The following FAF1 variants were observed in gnomAD, a reference collection of about 807,000 sequenced individuals.
FAF1 encodes the protein Fas associated factor 1.
A neutral mutation model predicts 92.5 loss-of-function variants in FAF1; 25 were observed. The ratio of observed to expected loss-of-function variants is 0.27; its 90% CI spans 0.20 to 0.38. FAF1 has a LOEUF of 0.38. Ranked by LOEUF, FAF1 falls within the 10% of genes least tolerant of loss-of-function variation. The pLI is 1.00. For missense variants in FAF1, 636 were observed against 793.3 expected (o/e 0.80, Z 2.38); for synonymous variants, 234 against 273.2 (o/e 0.86, Z 1.42).
chr1:50,740,069 A>G (rs1569864416), intron 5 of FAF1, among the ~76,000 whole-genome samples: 1 of 152,110 alleles, frequency 6.6e-6, no homozygotes, highest in Admixed American at 6.6e-5. Flanking sequence ...TATCAGGACT[A>G]CTCTAGCCAC....
rs540449429 is a variant in FAF1 at position 50,798,742 on chromosome 1, C to T, written c.161+2889G>A. 2.8e-4 allele frequency among the ~76,000 whole-genome samples: 42 copies of T among 152,316 alleles called. No individual in the cohort carries two copies. In the South Asian group the frequency reaches 8.7e-3, roughly 32 times the overall value. On this transcript the variant is annotated intron_variant, in intron 3 of 18. Transcript: ENST00000396153. Reference sequence around the variant, plus strand: ...TCACTTTATGACTTATCCTATCTACCTGTAAAATGAGGAAGAATAATATCT... The same window carrying T: ...TCACTTTATGACTTATCCTATCTACTTGTAAAATGAGGAAGAATAATATCT...
At chr1:50,643,077 G>A (rs1306473098) in intron 8 of FAF1, among the ~76,000 whole-genome samples, 3 of 152,150 alleles carry the variant, frequency 2.0e-5, no homozygotes, top group South Asian at 2.1e-4. Context: ...TGATCCGCCC[G>A]CCTCGGCCTC....
chr1:50,643,462 C>T lies in FAF1; in HGVS notation c.744+11980G>A, dbSNP rs373896240. 3.3e-5 allele frequency among the ~76,000 whole-genome samples: 5 copies of T among 152,120 alleles called. No individual in the cohort carries two copies. The East Asian group carries it at 5.8e-4, about 18-fold the overall frequency. ...TGTTTAATGGGAACAGTTTCTATTG[C>T]TGTATCTTTAAATTCACTGATCTTT... On this transcript the variant is annotated intron_variant, in intron 8 of 18. Coordinates refer to ENST00000396153, the MANE Select transcript of FAF1 (RefSeq NM_007051.3).
chr1:50,689,487 A>G lies in FAF1; in HGVS notation c.657+16299T>C, dbSNP rs912291980. Reference sequence around the variant, plus strand: ...CGGTCCGGACTGCTCAGGAGGCTGAAGCAAGAGAATGCCGTGGACCCGGGA... The same window carrying G: ...CGGTCCGGACTGCTCAGGAGGCTGAGGCAAGAGAATGCCGTGGACCCGGGA... On this transcript the variant is annotated intron_variant, in intron 7 of 18. Coordinates refer to ENST00000396153, the MANE Select transcript of FAF1 (RefSeq NM_007051.3). Among the ~76,000 whole-genome samples, 8 of 152,296 alleles carry G rather than the reference A, an allele frequency of 5.3e-5. No homozygotes were observed. In the East Asian group the frequency reaches 1.2e-3, roughly 22 times the overall value.
In FAF1 at chr1:50,501,460, GACC is replaced by G. The variant is rs1187563960; in HGVS notation, c.1495-9662_1495-9660del. On this transcript the variant is annotated intron_variant, in intron 15 of 18. Coordinates refer to ENST00000396153, the MANE Select transcript of FAF1 (RefSeq NM_007051.3). The stretch of plus-strand genomic sequence containing the variant: ...CAGGCGGATCACGAGGTCAGGTCAA[GACC>G]ATCCTGGCTAATATGGTGAAACCCT... Among the ~76,000 whole-genome samples, 4 of 152,138 alleles carry G rather than the reference GACC, an allele frequency of 2.6e-5. No individual in the cohort carries two copies. In the East Asian group the frequency reaches 7.7e-4, roughly 29 times the overall value.
intron 15 of FAF1, among the ~76,000 whole-genome samples, chr1:50,509,414 A>G (rs1021628117): frequency 6.6e-5 from 10 of 151,544 alleles, no homozygotes; most frequent in African/African-American, 2.2e-4. Context: ...GAGTTCCAGA[A>G]CAGCCTAGGC....
chr1:50,456,959 T>C (rs1646360056), intron 18 of FAF1, among the ~76,000 whole-genome samples: 1 of 152,234 alleles, frequency 6.6e-6, no homozygotes, highest in South Asian at 2.1e-4. Flanking sequence ...TTTGTGACTA[T>C]GTAAACTTGA....
At chr1:50,855,488 A>C (rs1644383641) in intron 2 of FAF1, among the ~76,000 whole-genome samples, 1 of 151,854 alleles carries the variant, frequency 6.6e-6, no homozygotes, top group East Asian at 1.9e-4. Flanking sequence ...GTTACAACTC[A>C]ATTAATGCAA....
At chr1:50,589,664 C>A (rs1429975279) in intron 9 of FAF1, among the ~76,000 whole-genome samples, 1 of 152,150 alleles carries the variant, frequency 6.6e-6, no homozygotes, top group Non-Finnish European at 1.5e-5. Context: ...TTTTGATGCA[C>A]AAAACTTTTT....
chr1:50,577,251 G>A (rs1004521485), intron 12 of FAF1, among the ~76,000 whole-genome samples: 5 of 152,182 alleles, frequency 3.3e-5, no homozygotes, highest in Non-Finnish European at 7.3e-5. Flanking sequence ...TAGGCTGGGC[G>A]CGGTAGCTCA....
At chr1:50,911,869 CA>C (rs1644888249) in intron 1 of FAF1, among the ~76,000 whole-genome samples, 1 of 151,908 alleles carries the variant, frequency 6.6e-6, no homozygotes, top group South Asian at 2.1e-4. Context: ...CCCATGTCTA[CA>C]AAAAACATAC....
At chr1:50,696,245 T>A (rs952483163) in intron 7 of FAF1, among the ~76,000 whole-genome samples, 10 of 152,138 alleles carry the variant, frequency 6.6e-5, no homozygotes, top group African/African-American at 2.4e-4. Flanking sequence ...GTTTACACTT[T>A]CCCAAGCAAA....
chr1:50,653,739 G>A (rs891891761), intron 8 of FAF1, among the ~76,000 whole-genome samples: 4 of 152,078 alleles, frequency 2.6e-5, no homozygotes, highest in African/African-American at 7.2e-5. Flanking sequence ...GGCGGCAGGC[G>A]CCTATAATCC....
intron 16 of FAF1, among the ~76,000 whole-genome samples, chr1:50,491,114 T>C (rs565955091): frequency 6.6e-6 from 1 of 152,234 alleles, no homozygotes; most frequent in East Asian, 1.9e-4. Flanking sequence ...ACATATACCA[T>C]CTCTTCTTTG....
At chr1:50,511,784 G>A (rs1303198981) in intron 15 of FAF1, among the ~76,000 whole-genome samples, 1 of 152,050 alleles carries the variant, frequency 6.6e-6, no homozygotes, top group Non-Finnish European at 1.5e-5. Context: ...TGGGTCAAAT[G>A]GTATTTCTGG....
At chr1:50,808,000 C>A (rs1001963214) in intron 2 of FAF1, among the ~76,000 whole-genome samples, 3 of 151,954 alleles carry the variant, frequency 2.0e-5, no homozygotes, top group African/African-American at 7.3e-5. Flanking sequence ...ATATTAAAGG[C>A]AGCTAGGAAG....
intron 1 of FAF1, among the ~76,000 whole-genome samples, chr1:50,867,455 C>T (rs1644490855): frequency 6.6e-6 from 1 of 151,980 alleles, no homozygotes; most frequent in African/African-American, 2.4e-5. Context: ...GAACTAATAT[C>T]TGGAATCTAT....
intron 15 of FAF1, among the ~76,000 whole-genome samples, chr1:50,516,301 C>T (rs994246423): frequency 6.6e-6 from 1 of 152,304 alleles, no homozygotes; most frequent in Non-Finnish European, 1.5e-5. Flanking sequence ...TCTTATTCTT[C>T]TGAACTTCCT....
At chr1:50,573,744 T>C (rs1020297720) in intron 12 of FAF1, among the ~76,000 whole-genome samples, 1 of 151,622 alleles carries the variant, frequency 6.6e-6, no homozygotes, top group Non-Finnish European at 1.5e-5. Context: ...GATAGCATTC[T>C]GAAATCTTGA....
Sources: gnomAD v4.1 joint callset for allele counts (sites outside exome capture counted in the v4.1 genomes callset) on GRCh38, gnomAD v4.1.1 for gene constraint, MANE v1.5 for transcripts, NCBI Gene and HGNC (gene_info 2026-07-23, HGNC 2026-07-21) for gene names.